Variants in SMOC2 observed in about 807,000 individuals in gnomAD.
SMOC2 encodes SPARC-related modular calcium-binding protein 2.
In SMOC2, 39 loss-of-function variants were observed where a neutral mutation model predicts 61.4. That is an observed-to-expected ratio of 0.64 (90% CI 0.49 to 0.83). The LOEUF (loss-of-function observed/expected upper bound fraction) is 0.83, where lower values mean the gene tolerates loss of function less well. SMOC2 is among the 40% of genes least tolerant of loss of function. SMOC2 has a pLI of 0.00. For missense variants in SMOC2, 556 were observed against 592.9 expected, an observed-to-expected ratio of 0.94 and a Z score of 0.65; for synonymous variants, 247 against 239.9, an observed-to-expected ratio of 1.03 and a Z score of -0.27.
In SMOC2 at chr6:168,509,899, T is replaced by C. The variant is rs1328711582; in HGVS notation, c.85-16T>C. The C allele has an allele frequency of 3.2e-6, 5 of 1,580,012 alleles. No homozygotes were observed. The highest frequency in any genetic ancestry group is 4.3e-6 in the Non-Finnish European group (5 of 1,157,054). On this transcript the variant is annotated splice_polypyrimidine_tract_variant and intron_variant, in intron 1 of 12. Coordinates refer to ENST00000356284, the MANE Select transcript of SMOC2 (RefSeq NM_001166412.2). ...GTGTCTTTAAATTTGTCTGGCTTCTTTTTTTCTCCTTTAAGTTTTTGAGAG... is the reference window on the plus strand; with the variant it reads ...GTGTCTTTAAATTTGTCTGGCTTCTCTTTTTCTCCTTTAAGTTTTTGAGAG...
rs576321703 is a variant in SMOC2, at chr6:168,553,368, C to G, written c.637+4165C>G. ...ACTCTTTTCATAGAAGATACATAAACTAGTTACAAGATTTTATCAGATAAG... is the reference window on the plus strand; with the variant it reads ...ACTCTTTTCATAGAAGATACATAAAGTAGTTACAAGATTTTATCAGATAAG... On this transcript the variant is annotated intron_variant, in intron 7 of 12. Coordinates refer to ENST00000356284, the MANE Select transcript of SMOC2 (RefSeq NM_001166412.2). The surrounding 1 kb of genome is among the most constrained non-coding windows in gnomAD (Gnocchi z 4.2). 1.3e-5 allele frequency among the ~76,000 whole-genome samples: 2 copies of G among 152,242 alleles called. No individual in the cohort carries two copies. The highest frequency in any genetic ancestry group is 2.9e-5 in the Non-Finnish European group (2 of 68,022).
chr6:168,527,164 T>C (rs2207977), intron 3 of SMOC2, among the ~76,000 whole-genome samples: 103,473 of 151,884 alleles, frequency 0.68, 37,393 homozygotes, highest in Non-Finnish European at 0.8. Flanking sequence ...AGGGAGAGAA[T>C]GAGAGAGAGA....
At chr6:168,643,719 C>T (rs1158792060) in intron 9 of SMOC2, among the ~76,000 whole-genome samples, 2 of 152,184 alleles carry the variant, frequency 1.3e-5, no homozygotes, top group South Asian at 2.1e-4. Context: ...CCTGCCTCTA[C>T]CCCCCAGCAA....
At chr6:168,500,397 T>G (rs1333472736) in intron 1 of SMOC2, among the ~76,000 whole-genome samples, 1 of 151,972 alleles carries the variant, frequency 6.6e-6, no homozygotes, top group African/African-American at 2.4e-5. Context: ...CTCTGAATGC[T>G]GGAGGTGTTT....
At chr6:168,504,304 C>T (rs914903206) in intron 1 of SMOC2, among the ~76,000 whole-genome samples, 3 of 151,118 alleles carry the variant, frequency 2.0e-5, no homozygotes, top group Admixed American at 6.6e-5. Context: ...TCTATCATTA[C>T]ATTGTAATAT....
At chr6:168,508,277 C>T (rs1000228855) in intron 1 of SMOC2, among the ~76,000 whole-genome samples, 12 of 152,160 alleles carry the variant, frequency 7.9e-5, no homozygotes, top group African/African-American at 2.9e-4. Flanking sequence ...GATTATGATT[C>T]CTTCCACTGC....
chr6:168,664,480 C>T (rs1787606392), intron 12 of SMOC2: 1 of 410,062 alleles, frequency 2.4e-6, no homozygotes, highest in Non-Finnish European at 4.6e-6. Context: ...AGCAATCCAC[C>T]TGGGATTACA....
At chr6:168,534,902 TG>T in intron 4 of SMOC2, among the ~76,000 whole-genome samples, 1 of 152,332 alleles carries the variant, frequency 6.6e-6, no homozygotes, top group South Asian at 2.1e-4. Context: ...TGGAAGTAAA[TG>T]GCCCCAATTT....
intron 7 of SMOC2, among the ~76,000 whole-genome samples, chr6:168,585,167 C>T (rs1167498209): frequency 1.3e-5 from 2 of 152,130 alleles, no homozygotes; most frequent in Non-Finnish European, 2.9e-5. Flanking sequence ...CTATGTTGCC[C>T]AGGCTGACAT....
chr6:168,476,570 T>A (rs1157605509), intron 1 of SMOC2, among the ~76,000 whole-genome samples: 1 of 152,064 alleles, frequency 6.6e-6, no homozygotes, highest in Non-Finnish European at 1.5e-5. Context: ...TTTGAAAATA[T>A]ATAACAGATA....
chr6:168,451,583 GTCTC>G (rs1186358481), intron 1 of SMOC2, among the ~76,000 whole-genome samples: 17 of 110,002 alleles, frequency 1.5e-4, no homozygotes, highest in African/African-American at 4.4e-4. Context: ...CTCTCTCTCT[GTCTC>G]TCTCTGTCTC....
At chr6:168,549,068 T>G in intron 6 of SMOC2, 61 bp from the exon 7 acceptor site, 1 of 1,392,242 alleles carries the variant, frequency 7.2e-7, no homozygotes, top group Non-Finnish European at 1.0e-6. Context: ...ACTGCGTAAC[T>G]AAGGAACATT....
Position 168,628,051 on chromosome 6 carries a change from G to T in SMOC2, c.907+19812G>T, listed in dbSNP as rs1208487219. 3.3e-5 allele frequency among the ~76,000 whole-genome samples: 5 copies of T among 152,156 alleles called. No homozygotes were observed. In the East Asian group the frequency reaches 9.7e-4, roughly 29 times the overall value. ...CCATCCATCCTTGTCAAGGAGGCATGTTTCACAACCACCTTCCTCACCCCA... is the reference window on the plus strand; with the variant it reads ...CCATCCATCCTTGTCAAGGAGGCATTTTTCACAACCACCTTCCTCACCCCA... On this transcript the variant is annotated intron_variant, in intron 9 of 12. Coordinates refer to ENST00000356284, the MANE Select transcript of SMOC2 (RefSeq NM_001166412.2).
At chr6:168,653,509 G>C (rs1027388852) in intron 11 of SMOC2, among the ~76,000 whole-genome samples, 2 of 152,234 alleles carry the variant, frequency 1.3e-5, no homozygotes, top group African/African-American at 4.8e-5. Context: ...GCTTCCCCCA[G>C]AATGGATTGT....
At chr6:168,508,798 C>T (rs149370580) in intron 1 of SMOC2, among the ~76,000 whole-genome samples, 560 of 152,378 alleles carry the variant, frequency 3.7e-3, no homozygotes, top group Non-Finnish European at 5.9e-3. Context: ...GTGCACACCA[C>T]GTCCAGAGGG....
chr6:168,442,894 C>T (rs2114986059), intron 1 of SMOC2, among the ~76,000 whole-genome samples: 1 of 152,360 alleles, frequency 6.6e-6, no homozygotes, highest in East Asian at 1.9e-4. Flanking sequence ...TTCACACACT[C>T]AGGCTTTCCC....
intron 9 of SMOC2, among the ~76,000 whole-genome samples, chr6:168,645,196 T>C (rs997631818): frequency 6.6e-6 from 1 of 152,266 alleles, no homozygotes; most frequent in African/African-American, 2.4e-5. Context: ...CACAAAAACA[T>C]CTTAGTAACA....
chr6:168,582,516 C>G (rs999046655), intron 7 of SMOC2, among the ~76,000 whole-genome samples: 3 of 152,060 alleles, frequency 2.0e-5, no homozygotes, highest in African/African-American at 7.2e-5. Flanking sequence ...TGGCAGTGCC[C>G]GAAATGCAGG....
intron 9 of SMOC2, among the ~76,000 whole-genome samples, chr6:168,621,742 A>C (rs558409020): frequency 6.6e-6 from 1 of 152,120 alleles, no homozygotes; most frequent in Admixed American, 6.5e-5. Flanking sequence ...CTCACTCGCT[A>C]TCTGGAGAAC....
Sources: allele counts gnomAD v4.1 joint callset (sites outside exome capture counted in the v4.1 genomes callset), GRCh38; gene constraint gnomAD v4.1.1; non-coding constraint Gnocchi (gnomAD v3.1); transcripts MANE v1.5; gene names NCBI Gene and HGNC (gene_info 2026-07-23, HGNC 2026-07-21).